Variants in ZNF69 observed in about 807,000 individuals in gnomAD.
The protein encoded by ZNF69 is ZNF3.
Under a neutral mutation model 50.9 loss-of-function variants are expected in ZNF69, and 47 were observed. The ratio of observed to expected loss-of-function variants is 0.92; its 90% CI spans 0.73 to 1.18. ZNF69 has a LOEUF of 1.18. ZNF69 is among the 50% of genes most tolerant of loss of function. ZNF69 has a pLI of 0.00. For missense variants in ZNF69, 717 were observed against 675.1 expected, an observed-to-expected ratio of 1.06 and a Z score of -0.69; for synonymous variants, 216 against 223.1, an observed-to-expected ratio of 0.97 and a Z score of 0.29.
chr19:11,970,499 G>T, the ZNF69 span, among the ~76,000 whole-genome samples: 1 of 152,198 alleles, frequency 6.6e-6, no homozygotes. Flanking sequence ...GGTAACTCTA[G>T]AATTAATTAA....
the ZNF69 span, among the ~76,000 whole-genome samples, chr19:11,945,222 G>T: frequency 1.3e-5 from 2 of 152,216 alleles, no homozygotes; most frequent in East Asian, 3.9e-4. Flanking sequence ...AAGGTTCCCA[G>T]CACCCCTCTT....
At chr19:11,961,000 C>G in the ZNF69 span, among the ~76,000 whole-genome samples, 4 of 152,164 alleles carry the variant, frequency 2.6e-5, no homozygotes, top group African/African-American at 9.7e-5. Context: ...ACTTAGAGGC[C>G]AGGTGTGGTG....
At chr19:11,900,090 A>G (rs1972210856) in intron 1 of ZNF69, among the ~76,000 whole-genome samples, 1 of 151,880 alleles carries the variant, frequency 6.6e-6, no homozygotes, top group African/African-American at 2.4e-5. Context: ...ATTAACTGGG[A>G]TTACAGGTGT....
chr19:11,947,771 G>A, the ZNF69 span, among the ~76,000 whole-genome samples: 1 of 152,190 alleles, frequency 6.6e-6, no homozygotes, highest in Non-Finnish European at 1.5e-5. Context: ...TTTGAGAAGT[G>A]GAGATAGGAG....
intron 4 of ZNF69, among the ~76,000 whole-genome samples, chr19:11,912,552 C>T (rs180979192): frequency 1.2e-3 from 186 of 152,262 alleles, no homozygotes; most frequent in Non-Finnish European, 2.1e-3. Flanking sequence ...TGTGCGAAAG[C>T]CTTTATTTCT....
the ZNF69 span, among the ~76,000 whole-genome samples, chr19:11,972,511 T>C: frequency 1.2e-4 from 19 of 152,264 alleles, 2 homozygotes; most frequent in African/African-American, 4.3e-4. Flanking sequence ...GGAGCCAGTA[T>C]TGGGAATAAG....
At chr19:11,977,057 A>G in the ZNF69 span, 2 of 1,614,094 alleles carry the variant, frequency 1.2e-6, no homozygotes, top group Non-Finnish European at 8.5e-7. Context: ...GCCTGTGAGG[A>G]TGTTGCTGTG....
the ZNF69 span, among the ~76,000 whole-genome samples, chr19:11,962,150 GC>G: frequency 1.3e-5 from 2 of 151,902 alleles, no homozygotes; most frequent in South Asian, 4.2e-4. Context: ...GGGCGTGGTG[GC>G]TCACACCTGT....
chr19:11,943,391 G>A, the ZNF69 span, among the ~76,000 whole-genome samples: 26,274 of 152,120 alleles, frequency 0.17, 4,813 homozygotes, highest in African/African-American at 0.47. Flanking sequence ...GTTTCTTACC[G>A]GGCTAAAACA....
the ZNF69 span, among the ~76,000 whole-genome samples, chr19:11,965,515 A>G: frequency 1.4e-4 from 21 of 152,246 alleles, no homozygotes; most frequent in African/African-American, 4.8e-4. Context: ...CGAGAGGGTC[A>G]TGGGGGAAAT....
At chr19:11,912,014 T>C (rs1442458457) in intron 4 of ZNF69, among the ~76,000 whole-genome samples, 2 of 152,098 alleles carry the variant, frequency 1.3e-5, no homozygotes, top group African/African-American at 2.4e-5. Context: ...GGACTCACAC[T>C]GGAGAGAAAC....
the ZNF69 span, among the ~76,000 whole-genome samples, chr19:11,955,396 C>CTT: frequency 1.8e-3 from 234 of 132,266 alleles, 3 homozygotes; most frequent in African/African-American, 5.9e-3. Context: ...TTCTTTCTTT[C>CTT]TTTTTTTTTT....
At position 11,903,761 on chromosome 19, in the gene ZNF69, G is replaced by A. The variant is rs548313080; in HGVS notation, c.190+62G>A. On this transcript the variant is annotated intron_variant, in intron 2 of 3. Transcript: ENST00000429654. ...GAACCAGTGTTTCTAGCTCATCAAT[G>A]CTGTTGAGTGATTTAGAACATAGAC... 6.8e-6 allele frequency: 11 copies of A among 1,606,436 alleles called. No homozygotes were observed. The South Asian group carries it at 1.1e-4, about 16-fold the overall frequency.
the ZNF69 span, among the ~76,000 whole-genome samples, chr19:11,938,071 G>GT: frequency 1.6e-4 from 24 of 151,640 alleles, 2 homozygotes; most frequent in South Asian, 4.4e-3. Flanking sequence ...CATTCTTGTC[G>GT]TTTTTTGTTC....
At chr19:11,970,528 G>T in the ZNF69 span, among the ~76,000 whole-genome samples, 1 of 152,202 alleles carries the variant, frequency 6.6e-6, no homozygotes, top group Non-Finnish European at 1.5e-5. Flanking sequence ...ATATGGAGAT[G>T]ATGAGTAGTA....
chr19:11,903,186 G>A (rs1972283215), intron 1 of ZNF69, among the ~76,000 whole-genome samples: 2 of 152,018 alleles, frequency 1.3e-5, no homozygotes, highest in Non-Finnish European at 2.9e-5. Context: ...TGTAATCCCA[G>A]CACTTTGGGA....
At chr19:11,924,447 AAAAG>A in the ZNF69 span, among the ~76,000 whole-genome samples, 7 of 151,814 alleles carry the variant, frequency 4.6e-5, no homozygotes, top group Admixed American at 1.3e-4. Flanking sequence ...AAAAAAAAAA[AAAAG>A]AAAGAAAGAA....
chr19:11,949,397 C>T, the ZNF69 span: 1 of 1,612,308 alleles, frequency 6.2e-7, no homozygotes, highest in South Asian at 1.1e-5. Context: ...TTCAGATCTA[C>T]CTCACACCTT....
the ZNF69 span, among the ~76,000 whole-genome samples, chr19:11,919,468 A>G: frequency 6.6e-6 from 1 of 151,990 alleles, no homozygotes; most frequent in Non-Finnish European, 1.5e-5. Flanking sequence ...CTCAAAATAT[A>G]TACTTGGAGG....
Sources: gnomAD v4.1 joint callset for allele counts (sites outside exome capture counted in the v4.1 genomes callset) on GRCh38, gnomAD v4.1.1 for gene constraint, MANE v1.5 for transcripts, NCBI Gene and HGNC (gene_info 2026-07-23, HGNC 2026-07-21) for gene names.